The following CACNA1H variants were observed in gnomAD, a reference collection of about 807,000 sequenced individuals.
The protein encoded by CACNA1H is voltage-dependent T-type calcium channel subunit alpha-1H.
In CACNA1H, 149 loss-of-function variants were observed where a neutral mutation model predicts 192.5. The observed-to-expected ratio is 0.77, with a 90% confidence interval of 0.68 to 0.89. CACNA1H has a LOEUF of 0.89. Among genes scored for constraint, CACNA1H ranks in the 40% least tolerant of loss-of-function variants. The pLI, the probability that CACNA1H is intolerant of heterozygous loss-of-function variation, is 0.00. For synonymous variants in CACNA1H, 2,202 were observed against 1,475.2 expected (o/e 1.49, Z -11.29); for missense variants, 4,257 against 3,423.5 (o/e 1.24, Z -6.08).
At chr16:1,196,093 A>G (rs1596384709) in intron 5 of CACNA1H, 70 bp downstream of exon 5, 1 of 1,239,004 alleles carries the variant, frequency 8.1e-7, no homozygotes, top group East Asian at 2.3e-5. Context: ...CAGAGCTCTC[A>G]AAAGGGCCCC....
chr16:1,207,631 GC>G, intron 14 of CACNA1H, 138 bp from the exon 15 acceptor site: 1 of 922,968 alleles, frequency 1.1e-6, no homozygotes, highest in Non-Finnish European at 1.7e-6. Flanking sequence ...TCACCTACCT[GC>G]CCACCCTGGC....
Position 1,211,949 on chromosome 16 carries a change from G to C in CACNA1H, c.4570G>C (p.Val1524Leu), listed in dbSNP as rs1405643951. The change falls in exon 25 of 35, where the codon GTG (valine) becomes CTG (leucine). Residue 1524 changes from valine (V) to leucine (L), a missense_variant. Transcript: ENST00000348261. ...LDAVGVDQQP[V>L]QNHNPWMLLY... ...ACCCACCGCCTCTGTGCCACAGCCT[G>C]TGCAGAACCACAACCCCTGGATGCT... 6.2e-7 allele frequency: 1 copy of C among 1,613,262 alleles called. No individual in the cohort carries two copies. The highest frequency in any genetic ancestry group is 8.5e-7 in the Non-Finnish European group (1 of 1,179,680).
At chr16:1,169,980 G>A (rs1474858985) in intron 2 of CACNA1H, among the ~76,000 whole-genome samples, 1 of 152,246 alleles carries the variant, frequency 6.6e-6, no homozygotes, top group African/African-American at 2.4e-5. Context: ...GATCAAGGAT[G>A]TTTTAATTCC....
intron 2 of CACNA1H, among the ~76,000 whole-genome samples, chr16:1,161,231 C>T (rs780775021): frequency 8.5e-5 from 13 of 152,192 alleles, no homozygotes; most frequent in Admixed American, 3.3e-4. Context: ...CGAAGCTGTT[C>T]CTTTGTGGAT....
chr16:1,165,605 T>A (rs1224367824), intron 2 of CACNA1H, among the ~76,000 whole-genome samples: 1 of 152,164 alleles, frequency 6.6e-6, no homozygotes, highest in African/African-American at 2.4e-5. Flanking sequence ...GGCCCGGAGC[T>A]GAGGCACCCT....
chr16:1,212,429 G>A (rs774124291), intron 25 of CACNA1H, 82 bp from the exon 26 acceptor site: 19 of 1,405,818 alleles, frequency 1.4e-5, no homozygotes, highest in East Asian at 2.5e-5. Context: ...CCCGAGACAC[G>A]GGGGCTGAGG....
At chr16:1,163,520 G>A (rs1424155276) in intron 2 of CACNA1H, among the ~76,000 whole-genome samples, 9 of 152,234 alleles carry the variant, frequency 5.9e-5, no homozygotes, top group Admixed American at 3.9e-4. Context: ...GAGCAGCCAC[G>A]ACCTGCCGGG....
chr16:1,213,703 G>A, intron 26 of CACNA1H, 77 bp from the exon 27 acceptor site: 2 of 1,175,506 alleles, frequency 1.7e-6, no homozygotes, highest in South Asian at 1.7e-5. Flanking sequence ...GGCCACCTAG[G>A]AGGAGAATGG....
At chr16:1,204,584 A>C (rs1968423764) in intron 10 of CACNA1H, 126 bp downstream of exon 10, 1 of 722,692 alleles carries the variant, frequency 1.4e-6, no homozygotes. Flanking sequence ...GGCTCTAGAA[A>C]GCCGGGGATG....
intron 2 of CACNA1H, among the ~76,000 whole-genome samples, chr16:1,175,322 CG>C (rs1964772588): frequency 6.6e-6 from 1 of 152,158 alleles, no homozygotes; most frequent in South Asian, 2.1e-4. Context: ...TGGGGAGCCC[CG>C]GGAGGGCCAC....
Position 1,194,836 on chromosome 16 carries a change from G to GTCCCCCACCCCATCCTGGAC in CACNA1H, c.300-135_300-116dup. The GTCCCCCACCCCATCCTGGAC allele has an allele frequency of 4.5e-6, 3 of 663,882 alleles. No homozygotes were observed. The South Asian group carries it at 5.0e-5, about 11-fold the overall frequency. The allele number at this position is 663,882 out of a possible 1,614,324, so 41.1% of individuals were successfully genotyped here. On this transcript the variant is annotated intron_variant, in intron 2 of 34. Coordinates refer to ENST00000348261, the MANE Select transcript of CACNA1H (RefSeq NM_021098.3). ...CAGGAGGGGCGGCCGTCGGTCCCGA[G>GTCCCCCACCCCATCCTGGAC]TCCCCCACCCCATCCTGGACACCCC...
chr16:1,205,545 T>C lies in CACNA1H; in HGVS notation c.2603+280T>C, dbSNP rs2745167. On this transcript the variant is annotated intron_variant, in intron 11 of 34. Transcript: ENST00000348261. ...GTTTCTAGAAACTAGCGGAGCTGTT[T>C]CCTGCAGGAACAAAGCAGGTGTGGG... Among the ~76,000 whole-genome samples the C allele has an allele frequency of 0.42, 64,520 of 152,150 alleles. 14,692 individuals are homozygous for C. The highest frequency in any genetic ancestry group is 0.5 in the Non-Finnish European group (34,245 of 67,974).
rs750777344 is a variant in CACNA1H, at chr16:1,219,977, A to T, written c.6049-4A>T. 2.1e-5 allele frequency: 27 copies of T among 1,302,846 alleles called. No homozygotes were observed. Among genetic ancestry groups the T allele is most frequent in the Admixed American group, 1.8e-4 (5 of 27,170 alleles). The allele number at this position is 1,302,846 out of a possible 1,614,324, so 80.7% of individuals were successfully genotyped here. A position where few individuals can be genotyped will look rare whatever the true frequency, so the allele number is the denominator to read the frequency against. ...CCCCTCACTTTGACTCTACGCCCCCACAGGAGGCTGTGCACACCGATTCCT... is the reference window on the plus strand; with the variant it reads ...CCCCTCACTTTGACTCTACGCCCCCTCAGGAGGCTGTGCACACCGATTCCT... On this transcript the variant is annotated splice_polypyrimidine_tract_variant and splice_region_variant and intron_variant, in intron 34 of 34. Transcript: ENST00000348261.
At chr16:1,178,631 T>G (rs1007954495) in intron 2 of CACNA1H, among the ~76,000 whole-genome samples, 17 of 152,036 alleles carry the variant, frequency 1.1e-4, no homozygotes, top group Admixed American at 1.0e-3. Flanking sequence ...GTCTGTTGCT[T>G]CAGCCGCCGC....
intron 2 of CACNA1H, among the ~76,000 whole-genome samples, chr16:1,178,223 G>A (rs1025889394): frequency 1.2e-4 from 16 of 130,990 alleles, no homozygotes; most frequent in Non-Finnish European, 2.3e-4. Flanking sequence ...CTCTGCCTGG[G>A]ATCCCCCAAC....
chr16:1,155,113 G>A (rs957468648), intron 2 of CACNA1H, among the ~76,000 whole-genome samples: 54 of 152,354 alleles, frequency 3.5e-4, no homozygotes, highest in African/African-American at 1.3e-3. Context: ...TATTAAACAC[G>A]AAAGAGGAAT....
intron 2 of CACNA1H, among the ~76,000 whole-genome samples, chr16:1,181,462 G>T (rs1351164373): frequency 6.6e-6 from 1 of 152,252 alleles, no homozygotes; most frequent in Non-Finnish European, 1.5e-5. Context: ...ATCCTGGGTG[G>T]TCGTGCCCCC....
intron 2 of CACNA1H, chr16:1,156,944 T>C (rs985360171): frequency 6.6e-6 from 1 of 152,198 alleles, no homozygotes; most frequent in African/African-American, 2.4e-5. Context: ...TATTGATTGG[T>C]TTCTTAAAAA....
At chr16:1,199,552 C>T (rs1452407466) in intron 6 of CACNA1H, among the ~76,000 whole-genome samples, 1 of 150,564 alleles carries the variant, frequency 6.6e-6, no homozygotes, top group Non-Finnish European at 1.5e-5. Context: ...ACAGGTTAGT[C>T]CCAACACTTC....
Sources: allele counts gnomAD v4.1 joint callset (sites outside exome capture counted in the v4.1 genomes callset), GRCh38; gene constraint gnomAD v4.1.1; transcripts MANE v1.5; gene names NCBI Gene and HGNC (gene_info 2026-07-23, HGNC 2026-07-21).